FGF12: variants seen among roughly 807,000 people sequenced by gnomAD.
FGF12 encodes fibroblast growth factor 12, also known as fibroblast growth factor 12B.
Under a neutral mutation model 23.6 loss-of-function variants are expected in FGF12, and 14 were observed. That is an observed-to-expected ratio of 0.59 (90% CI 0.39 to 0.93). The LOEUF is 0.93. FGF12 is among the 40% of genes least tolerant of loss of function. The pLI, the probability that FGF12 is intolerant of heterozygous loss-of-function variation, is 0.00. For missense variants in FGF12, 175 were observed against 217.8 expected (o/e 0.80, Z 1.24); for synonymous variants, 62 against 77.3 (o/e 0.80, Z 1.04).
intron 2 of FGF12, among the ~76,000 whole-genome samples, chr3:192,365,537 G>T (rs1375094838): frequency 6.6e-6 from 1 of 152,004 alleles, no homozygotes; most frequent in Non-Finnish European, 1.5e-5. Context: ...TAGGGTATAT[G>T]AGAACTCTGT....
At chr3:192,339,595 C>A (rs1717596520) in intron 3 of FGF12, among the ~76,000 whole-genome samples, 1 of 152,050 alleles carries the variant, frequency 6.6e-6, no homozygotes, top group Non-Finnish European at 1.5e-5. Context: ...CTCTTTTGTC[C>A]TCTATCTCTT....
chr3:192,621,312 G>A, intron 2 of FGF12, among the ~76,000 whole-genome samples: 1 of 152,106 alleles, frequency 6.6e-6, no homozygotes, highest in South Asian at 2.1e-4. Context: ...CCCATAGGTA[G>A]CAGGTTGGGT....
chr3:192,421,279 A>T (rs1281538714), intron 2 of FGF12, among the ~76,000 whole-genome samples: 1 of 152,188 alleles, frequency 6.6e-6, no homozygotes. Flanking sequence ...ATAACTGATG[A>T]TCTTTATGAT....
chr3:192,297,384 T>C (rs922089632), intron 4 of FGF12, among the ~76,000 whole-genome samples: 5 of 152,250 alleles, frequency 3.3e-5, no homozygotes, highest in Admixed American at 6.5e-5. Flanking sequence ...TCCTGTGTTG[T>C]TAAATGCAGA....
chr3:192,556,592 C>T (rs1396386689), intron 2 of FGF12, among the ~76,000 whole-genome samples: 1 of 152,080 alleles, frequency 6.6e-6, no homozygotes, highest in Non-Finnish European at 1.5e-5. Context: ...CAATACTCCA[C>T]TTTCAATAAT....
intron 3 of FGF12, among the ~76,000 whole-genome samples, chr3:192,352,956 T>C (rs11920770): frequency 0.024 from 3,655 of 152,272 alleles, 151 homozygotes; most frequent in African/African-American, 0.082. Context: ...GCTGGTAACA[T>C]ATCTTTCAGA....
rs138734882 is a variant in FGF12 at position 192,431,227 on chromosome 3, A to T, written c.14-70689T>A. Among the ~76,000 whole-genome samples, 7 of 152,310 alleles carry T rather than the reference A, an allele frequency of 4.6e-5. No individual in the cohort carries two copies. In the East Asian group the frequency reaches 1.2e-3, roughly 25 times the overall value. On this transcript the variant is annotated intron_variant, in intron 2 of 5. Coordinates refer to ENST00000445105, the MANE Select transcript of FGF12 (RefSeq NM_004113.6). ...AGAGATAAGCTCGCCCTACTTACACAGGAGCTGGGTTCTGAAAAGAGAAAC... is the reference window on the plus strand; with the variant it reads ...AGAGATAAGCTCGCCCTACTTACACTGGAGCTGGGTTCTGAAAAGAGAAAC...
chr3:192,605,760 T>A (rs1245031079), intron 2 of FGF12, among the ~76,000 whole-genome samples: 2 of 151,686 alleles, frequency 1.3e-5, no homozygotes, highest in African/African-American at 4.8e-5. Context: ...CTAACAAACA[T>A]GAAAAAAATG....
In FGF12 at chr3:192,192,726, TAAAAG is replaced by T. The variant is rs201965892; in HGVS notation, c.229-22075_229-22071del. On this transcript the variant is annotated intron_variant, in intron 4 of 5. Transcript: ENST00000445105. ...AGGTCCTGAGTGAGACAATGAAAAA[TAAAAG>T]AAGTGTCTTTAATTCTATATTGTTG... Among the ~76,000 whole-genome samples, 817 of 152,036 alleles carry T rather than the reference TAAAAG, an allele frequency of 5.4e-3. 7 individuals carry two copies. Among genetic ancestry groups the T allele is most frequent in the African/African-American group, 0.019 (794 of 41,510 alleles).
intron 2 of FGF12, among the ~76,000 whole-genome samples, chr3:192,711,435 G>T (rs1047787871): frequency 6.6e-6 from 1 of 151,290 alleles, no homozygotes. Context: ...CCGCCACCCC[G>T]TCTGGGAGGT....
At chr3:192,652,664 A>C (rs1716257278) in intron 2 of FGF12, among the ~76,000 whole-genome samples, 1 of 152,206 alleles carries the variant, frequency 6.6e-6, no homozygotes, top group Non-Finnish European at 1.5e-5. Context: ...AATTTACCAA[A>C]TCATAAACTC....
At chr3:192,200,034 A>G (rs1717280082) in intron 4 of FGF12, among the ~76,000 whole-genome samples, 1 of 151,980 alleles carries the variant, frequency 6.6e-6, no homozygotes, top group Non-Finnish European at 1.5e-5. Context: ...AGCAATAGAA[A>G]GGCCGGGTGC....
At chr3:192,257,366 C>T (rs1315050747) in intron 4 of FGF12, among the ~76,000 whole-genome samples, 2 of 152,130 alleles carry the variant, frequency 1.3e-5, no homozygotes, top group South Asian at 2.1e-4. Context: ...GTCCATCACC[C>T]AGATGATCTC....
intron 2 of FGF12, among the ~76,000 whole-genome samples, chr3:192,530,646 G>A (rs1456357413): frequency 6.6e-6 from 1 of 152,116 alleles, no homozygotes; most frequent in South Asian, 2.1e-4. Context: ...GAAGGATTTT[G>A]CTTCATCAAA....
intron 2 of FGF12, among the ~76,000 whole-genome samples, chr3:192,390,884 T>C (rs2108761324): frequency 6.6e-6 from 1 of 152,280 alleles, no homozygotes; most frequent in African/African-American, 2.4e-5. Flanking sequence ...AAGGGGAAAC[T>C]CAAGACACAA....
chr3:192,249,564 T>A (rs1236293426), intron 4 of FGF12, among the ~76,000 whole-genome samples: 1 of 152,024 alleles, frequency 6.6e-6, no homozygotes, highest in Non-Finnish European at 1.5e-5. Context: ...ACACGTAGAA[T>A]CAGGGTCTTA....
chr3:192,150,086 T>A (rs1478215653), intron 5 of FGF12, among the ~76,000 whole-genome samples: 1 of 74,866 alleles, frequency 1.3e-5, no homozygotes, highest in African/African-American at 4.8e-5. Context: ...CATTTTTTCA[T>A]GTGTTTTTTG....
chr3:192,360,697 T>TC lies in FGF12; in HGVS notation c.14-160_14-159insG. ...GGTGTTTCAGTAACATATCTATGCT[T>TC]TTTTTTTTCCATTTAGAGGTAGAGC... On this transcript the variant is annotated intron_variant, in intron 2 of 5. Transcript: ENST00000445105. The surrounding 1 kb of genome is among the most constrained non-coding windows in gnomAD (Gnocchi z 4.3). 1.7e-6 allele frequency: 1 copy of TC among 600,478 alleles called. No individual in the cohort carries two copies. The highest frequency in any genetic ancestry group is 3.0e-6 in the Non-Finnish European group (1 of 335,694). 37.2% of individuals were successfully genotyped at this position (600,478 alleles called of 1,614,324 possible). A position where few individuals can be genotyped will look rare whatever the true frequency, so the allele number is the denominator to read the frequency against.
At chr3:192,416,814 T>A (rs150438623) in intron 2 of FGF12, among the ~76,000 whole-genome samples, 27 of 152,250 alleles carry the variant, frequency 1.8e-4, no homozygotes, top group Non-Finnish European at 3.7e-4. Context: ...GAGGCATTGA[T>A]GTAGATGTCT....
Sources: gnomAD v4.1 joint callset for allele counts (sites outside exome capture counted in the v4.1 genomes callset) on GRCh38, gnomAD v4.1.1 for gene constraint, Gnocchi (gnomAD v3.1) non-coding constraint, MANE v1.5 for transcripts, NCBI Gene and HGNC (gene_info 2026-07-23, HGNC 2026-07-21) for gene names.